The following PJA2 variants were observed in gnomAD, a reference collection of about 807,000 sequenced individuals.
PJA2 encodes E3 ubiquitin-protein ligase Praja-2.
A neutral mutation model predicts 69.3 loss-of-function variants in PJA2; 25 were observed. That is an observed-to-expected ratio of 0.36 (90% CI 0.26 to 0.50). The LOEUF (loss-of-function observed/expected upper bound fraction) is 0.50, where lower values mean the gene tolerates loss of function less well. PJA2 is among the 20% of genes least tolerant of loss of function. PJA2 has a pLI of 0.96. For missense variants in PJA2, 809 were observed against 830.2 expected, an observed-to-expected ratio of 0.97 and a Z score of 0.31; for synonymous variants, 308 against 277.8, an observed-to-expected ratio of 1.11 and a Z score of -1.08.
chr5:109,361,229 C>T (rs1434813457), intron 6 of PJA2, among the ~76,000 whole-genome samples: 1 of 152,108 alleles, frequency 6.6e-6, no homozygotes, highest in Non-Finnish European at 1.5e-5. Context: ...GTATCCATAC[C>T]TTGAAAAATA....
In PJA2 at chr5:109,355,972, C is replaced by T; in HGVS notation, c.1707G>A (p.Val569=). ...GLGVAEAISY[V]DPQFLTYMAL... is the part of the protein sequence containing the mutation. ...CCATGTAGGTAAGGAACTGAGGATC[C>T]ACATATGAAATAGCTTCAGCAACTC... The change falls in exon 7 of 10, where the codon GTG becomes GTA. Residue 569 remains valine (V), a synonymous_variant. Coordinates refer to ENST00000361189, the MANE Select transcript of PJA2 (RefSeq NM_014819.5). 6.2e-7 allele frequency: 1 copy of T among 1,613,200 alleles called. No individual in the cohort carries two copies. The highest frequency in any genetic ancestry group is 8.5e-7 in the Non-Finnish European group (1 of 1,179,798).
chr5:109,357,491 T>C (rs1224662922), intron 6 of PJA2, among the ~76,000 whole-genome samples: 2 of 152,190 alleles, frequency 1.3e-5, no homozygotes, highest in African/African-American at 4.8e-5. Context: ...TATTAAGAAT[T>C]ACTGAATCCA....
chr5:109,343,234 T>C (rs1253699249), intron 9 of PJA2, among the ~76,000 whole-genome samples: 8 of 105,076 alleles, frequency 7.6e-5, no homozygotes, highest in Non-Finnish European at 1.4e-4. Context: ...CTGAAACATG[T>C]GCTGTGTCCA....
chr5:109,366,463 C>G (rs1762586931), intron 5 of PJA2, among the ~76,000 whole-genome samples: 3 of 152,212 alleles, frequency 2.0e-5, no homozygotes, highest in Admixed American at 1.3e-4. Flanking sequence ...AAAGTTCTTT[C>G]TGAACCCTAA....
chr5:109,358,377 A>G lies in PJA2; in HGVS notation c.1653-2351T>C, dbSNP rs188568042. Among the ~76,000 whole-genome samples, 7 of 152,364 alleles carry G rather than the reference A, an allele frequency of 4.6e-5. No homozygotes were observed. In the East Asian group the frequency reaches 1.3e-3, roughly 29 times the overall value. ...TACTTTTAGTTAATCTATGATTTAC[A>G]GAAACAATGCTAATGACTGGCTTGC... On this transcript the variant is annotated intron_variant, in intron 6 of 9. Coordinates refer to ENST00000361189, the MANE Select transcript of PJA2 (RefSeq NM_014819.5).
At chr5:109,349,594 G>A (rs1283545754) in intron 7 of PJA2, among the ~76,000 whole-genome samples, 1 of 152,088 alleles carries the variant, frequency 6.6e-6, no homozygotes, top group Non-Finnish European at 1.5e-5. Flanking sequence ...CACCCTAAGA[G>A]AGCTGACTTC....
chr5:109,353,960 TGATATCTAGAGATATCTATAGATTAGATA>T (rs1561345522), intron 7 of PJA2, among the ~76,000 whole-genome samples: 1 of 131,002 alleles, frequency 7.6e-6, no homozygotes. Flanking sequence ...TAGATGTCTA[TGATATCTAGAGATATCTATAGATTAGATA>T]GATATCTAGA....
intron 5 of PJA2, among the ~76,000 whole-genome samples, chr5:109,363,974 A>C (rs540811794): frequency 7.8e-4 from 118 of 152,212 alleles, no homozygotes; most frequent in African/African-American, 2.5e-3. Context: ...CAACATAGTG[A>C]AACGCTGTCT....
Position 109,361,475 on chromosome 5 carries a change from G to A in PJA2, c.1652+1365C>T, listed in dbSNP as rs540674578. 8.5e-4 allele frequency among the ~76,000 whole-genome samples: 130 copies of A among 152,272 alleles called. 1 individual carries two copies. Among genetic ancestry groups the A allele is most frequent in the Non-Finnish European group, 1.6e-3 (107 of 68,024 alleles). On this transcript the variant is annotated intron_variant, in intron 6 of 9. Coordinates refer to ENST00000361189, the MANE Select transcript of PJA2 (RefSeq NM_014819.5). ...AGAAAACATTCCTTCATATGTAACC[G>A]TAATTGCCTCCCAACATGCATAGAT... is the stretch of plus-strand genomic sequence containing the variant.
intron 1 of PJA2, among the ~76,000 whole-genome samples, chr5:109,396,105 G>A (rs765456171): frequency 2.6e-5 from 4 of 151,878 alleles, no homozygotes; most frequent in Non-Finnish European, 5.9e-5. Context: ...AAAAGTCTGA[G>A]ATATTAGCAA....
At chr5:109,340,921 C>T (rs1372929831) in intron 9 of PJA2, among the ~76,000 whole-genome samples, 7 of 117,174 alleles carry the variant, frequency 6.0e-5, no homozygotes, top group African/African-American at 1.1e-4. Context: ...GGATTGCAGA[C>T]GGAGTCTCGT....
chr5:109,402,965 A>G (rs1289853743), intron 1 of PJA2, among the ~76,000 whole-genome samples: 3 of 152,128 alleles, frequency 2.0e-5, no homozygotes, highest in Non-Finnish European at 4.4e-5. Context: ...TCAATGACCT[A>G]AGCTTACACC....
In PJA2 at chr5:109,344,309, T is replaced by C. The variant is rs766940018; in HGVS notation, c.1882A>G (p.Ile628Val). The change falls in exon 9 of 10, where the codon ATT (isoleucine) becomes GTT (valine). Residue 628 changes from isoleucine to valine, a missense_variant and splice_region_variant. Ile to Val is a conservative substitution (Grantham distance 29). Around this residue, in one of 4 missense-constraint regions of PJA2, gnomAD observed 55 missense variants for 90.7 expected, o/e 0.61. Coordinates refer to ENST00000361189, the MANE Select transcript of PJA2 (RefSeq NM_014819.5). ...ETLVLEDHTA[I>V]GQEQCCPICC... ...ATTGGACAGCATTGTTCCTGACCAA[T>C]AGCTGAAAACAACAAATAATTCAGG... 17 of 1,584,890 alleles carry C rather than the reference T, an allele frequency of 1.1e-5. No homozygotes were observed. The Admixed American group carries it at 1.5e-4, about 14-fold the overall frequency.
At chr5:109,404,772 G>T (rs930691641) in intron 1 of PJA2, among the ~76,000 whole-genome samples, 1 of 152,106 alleles carries the variant, frequency 6.6e-6, no homozygotes, top group Non-Finnish European at 1.5e-5. Context: ...CCCTCACAAT[G>T]GGGATTATGT....
chr5:109,354,483 T>TAGCTATCTATGATATCTAG, intron 7 of PJA2, among the ~76,000 whole-genome samples: 1 of 137,368 alleles, frequency 7.3e-6, no homozygotes. Flanking sequence ...ATCTATAGAT[T>TAGCTATCTATGATATCTAG]AGATATCTAT....
At chr5:109,389,877 T>C (rs751400384) in intron 1 of PJA2, among the ~76,000 whole-genome samples, 1 of 151,892 alleles carries the variant, frequency 6.6e-6, no homozygotes, top group Non-Finnish European at 1.5e-5. Flanking sequence ...AGAAGTGTCT[T>C]GCTTAATTTC....
At chr5:109,339,774 C>T (rs1762010159) in intron 9 of PJA2, among the ~76,000 whole-genome samples, 1 of 152,162 alleles carries the variant, frequency 6.6e-6, no homozygotes, top group African/African-American at 2.4e-5. Flanking sequence ...ATGTGCCAAA[C>T]ACTATATTAA....
In PJA2 at chr5:109,379,095, G is replaced by A. The variant is rs758827347; in HGVS notation, c.392C>T (p.Thr131Ile). The A allele has an allele frequency of 1.9e-6, 3 of 1,613,952 alleles. No homozygotes were observed. The highest frequency in any genetic ancestry group is 2.2e-5 in the South Asian group (2 of 91,066). The change falls in exon 4 of 10, where the codon ACC (threonine) becomes ATC (isoleucine). Residue 131 changes from threonine (T) to isoleucine (I), a missense_variant. Physicochemically the swap from Thr to Ile is moderately conservative, Grantham distance 89. Coordinates refer to ENST00000361189, the MANE Select transcript of PJA2 (RefSeq NM_014819.5). ...ATGAAGATTTGTACTGCTTCCTAAG[G>A]TATCCCTGCCTTCCTCACTGTGATG... ...AVHHSEEGRD[T>I]LGSSTNLHNH...
chr5:109,350,144 G>A (rs1043997869), intron 7 of PJA2, among the ~76,000 whole-genome samples: 1 of 152,094 alleles, frequency 6.6e-6, no homozygotes, highest in Non-Finnish European at 1.5e-5. Flanking sequence ...TATTTGCAGT[G>A]CTAGTAACAC....
Sources: gnomAD v4.1 joint callset for allele counts (sites outside exome capture counted in the v4.1 genomes callset) on GRCh38, gnomAD v4.1.1 for gene constraint, gnomAD v4.1.1 regional missense constraint, MANE v1.5 for transcripts, NCBI Gene and HGNC (gene_info 2026-07-23, HGNC 2026-07-21) for gene names.